Variants in HECW1 observed in about 807,000 individuals in gnomAD.
HECW1 encodes HECT, C2 and WW domain containing E3 ubiquitin protein ligase 1.
In HECW1, 61 loss-of-function variants were observed where a neutral mutation model predicts 182.3. The ratio of observed to expected loss-of-function variants is 0.33; its 90% CI spans 0.27 to 0.41. HECW1 has a LOEUF of 0.41. Ranked by LOEUF, HECW1 falls within the 10% of genes least tolerant of loss-of-function variation. The pLI, the probability that HECW1 is intolerant of heterozygous loss-of-function variation, is 1.00. For synonymous variants in HECW1, 859 were observed against 832.6 expected (o/e 1.03, Z -0.55); for missense variants, 1,739 against 2,108.9 (o/e 0.82, Z 3.44).
chr7:43,326,134 G>C lies in HECW1; in HGVS notation c.460+5392G>C, dbSNP rs1810746679. Among the ~76,000 whole-genome samples, 8 of 151,408 alleles carry C rather than the reference G, an allele frequency of 5.3e-5. No individual in the cohort carries two copies. In the South Asian group the frequency reaches 1.7e-3, roughly 32 times the overall value. ...TTGCTGTTTCTGCGTAGGACCAGAG[G>C]GGCCAAAGGGGCTGGGGTGCCCCTT... On this transcript the variant is annotated intron_variant, in intron 5 of 29. Coordinates refer to ENST00000395891, the MANE Select transcript of HECW1 (RefSeq NM_015052.5).
At chr7:43,435,473 A>G (rs562308337) in intron 8 of HECW1, among the ~76,000 whole-genome samples, 2 of 152,332 alleles carry the variant, frequency 1.3e-5, no homozygotes, top group Admixed American at 1.3e-4. Flanking sequence ...TATAATAGCA[A>G]TCAGACGTAC....
At chr7:43,267,350 T>C (rs949383142) in intron 3 of HECW1, among the ~76,000 whole-genome samples, 10 of 152,146 alleles carry the variant, frequency 6.6e-5, no homozygotes. Flanking sequence ...GATTGAAAAG[T>C]ACTATTGGCC....
chr7:43,205,631 T>C (rs1795399716), intron 2 of HECW1, among the ~76,000 whole-genome samples: 1 of 152,178 alleles, frequency 6.6e-6, no homozygotes, highest in Admixed American at 6.5e-5. Context: ...GCAGTAAGAA[T>C]GTCGCGCAGG....
At chr7:43,508,562 A>G (rs1249385465) in intron 23 of HECW1, among the ~76,000 whole-genome samples, 1 of 151,946 alleles carries the variant, frequency 6.6e-6, no homozygotes, top group Non-Finnish European at 1.5e-5. Flanking sequence ...TGAACTTGGA[A>G]GCCTTTTCAG....
chr7:43,376,211 C>CT (rs2074316444), intron 6 of HECW1, among the ~76,000 whole-genome samples: 1 of 151,976 alleles, frequency 6.6e-6, no homozygotes, highest in African/African-American at 2.4e-5. Context: ...GCCACCAGCT[C>CT]TAACATTTAA....
intron 2 of HECW1, among the ~76,000 whole-genome samples, chr7:43,173,926 G>C (rs116727862): frequency 6.6e-6 from 1 of 151,832 alleles, no homozygotes; most frequent in South Asian, 2.1e-4. Flanking sequence ...TGCAGACTAC[G>C]ACTCCTGGCT....
intron 26 of HECW1, among the ~76,000 whole-genome samples, chr7:43,546,646 G>C (rs1160314337): frequency 2.0e-5 from 3 of 151,618 alleles, no homozygotes; most frequent in Non-Finnish European, 4.4e-5. Flanking sequence ...AACTTTAAAA[G>C]GTAGTCCCTT....
chr7:43,184,593 G>T (rs1793193900), intron 2 of HECW1, among the ~76,000 whole-genome samples: 1 of 152,138 alleles, frequency 6.6e-6, no homozygotes. Flanking sequence ...AACATTAGAG[G>T]ATTGGGACTT....
At position 43,414,067 on chromosome 7, in the gene HECW1, T is replaced by C. The variant is rs2075901399; in HGVS notation, c.801+6336T>C. ...GGGCAGTATGGCCATTTTCACGATA[T>C]TGATTCTTCCTACCCATGAGCATGG... On this transcript the variant is annotated intron_variant, in intron 8 of 29. Transcript: ENST00000395891. Among the ~76,000 whole-genome samples, 4 of 151,866 alleles carry C rather than the reference T, an allele frequency of 2.6e-5. No individual in the cohort carries two copies. The South Asian group carries it at 8.3e-4, about 32-fold the overall frequency.
At chr7:43,355,022 G>T in intron 5 of HECW1, among the ~76,000 whole-genome samples, 1 of 125,620 alleles carries the variant, frequency 8.0e-6, no homozygotes, top group East Asian at 2.2e-4. Context: ...TGTTCCAAGT[G>T]CTGAAAGGAA....
intron 2 of HECW1, among the ~76,000 whole-genome samples, chr7:43,198,554 C>T (rs1794719048): frequency 6.7e-6 from 1 of 150,314 alleles, no homozygotes; most frequent in Non-Finnish European, 1.5e-5. Flanking sequence ...CTCTCACACA[C>T]CCTTCACTTA....
intron 2 of HECW1, chr7:43,118,324 T>G (rs1785245453): frequency 6.5e-6 from 1 of 152,716 alleles, no homozygotes; most frequent in Non-Finnish European, 1.5e-5. Context: ...TGCATGGATG[T>G]TCCCTGCTTT....
chr7:43,285,338 G>GC (rs528247944), intron 3 of HECW1, among the ~76,000 whole-genome samples: 66 of 152,300 alleles, frequency 4.3e-4, no homozygotes, highest in African/African-American at 1.6e-3. Context: ...CCAGACATCT[G>GC]CATTGGTTAA....
chr7:43,365,811 C>T (rs565855340), intron 6 of HECW1, among the ~76,000 whole-genome samples: 7 of 152,198 alleles, frequency 4.6e-5, no homozygotes, highest in South Asian at 4.1e-4. Flanking sequence ...GAACAAAGAA[C>T]GGCTGGGTGC....
At chr7:43,164,979 T>G (rs1790951476) in intron 2 of HECW1, among the ~76,000 whole-genome samples, 1 of 152,220 alleles carries the variant, frequency 6.6e-6, no homozygotes, top group Non-Finnish European at 1.5e-5. Context: ...GGTTCCTCTC[T>G]CTCTGAGTCA....
intron 2 of HECW1, among the ~76,000 whole-genome samples, chr7:43,200,810 A>G (rs541478710): frequency 7.9e-5 from 12 of 152,276 alleles, no homozygotes; most frequent in African/African-American, 2.4e-4. Context: ...AAACATAGCA[A>G]TGTGGCCCAA....
chr7:43,260,613 C>T (rs1338550192), intron 3 of HECW1, among the ~76,000 whole-genome samples: 1 of 152,106 alleles, frequency 6.6e-6, no homozygotes, highest in Non-Finnish European at 1.5e-5. Flanking sequence ...TACCAGGAGG[C>T]CATAGGAGTG....
intron 6 of HECW1, among the ~76,000 whole-genome samples, chr7:43,389,619 CTGTTGT>C (rs78728195): frequency 0.02 from 2,958 of 151,516 alleles, 41 homozygotes; most frequent in African/African-American, 0.043. Context: ...ATTGTTGTTG[CTGTTGT>C]TGTTGTTGTT....
intron 19 of HECW1, among the ~76,000 whole-genome samples, chr7:43,496,336 G>A (rs1345152944): frequency 6.6e-6 from 1 of 151,928 alleles, no homozygotes; most frequent in Non-Finnish European, 1.5e-5. Flanking sequence ...TAAGGAAACT[G>A]TGGACCCAGG....
Sources: gnomAD v4.1 joint callset for allele counts (sites outside exome capture counted in the v4.1 genomes callset) on GRCh38, gnomAD v4.1.1 for gene constraint, MANE v1.5 for transcripts, NCBI Gene and HGNC (gene_info 2026-07-23, HGNC 2026-07-21) for gene names.